The following RAB38 variants were observed in gnomAD, a reference collection of about 807,000 sequenced individuals.
RAB38 encodes RAB38, member RAS oncogene family, also known as ras-related protein Rab-38.
RAB38 carries 15 observed loss-of-function variants against 18.4 expected under a neutral mutation model. That is an observed-to-expected ratio of 0.82 (90% CI 0.55 to 1.26). The LOEUF is 1.26. Ranked by LOEUF, RAB38 falls within the 50% of genes most tolerant of loss-of-function variation. The pLI is 0.00. For missense variants in RAB38, 294 were observed against 267.4 expected, an observed-to-expected ratio of 1.10 and a Z score of -0.69; for synonymous variants, 101 against 104.4, an observed-to-expected ratio of 0.97 and a Z score of 0.20.
the RAB38 span, among the ~76,000 whole-genome samples, chr11:87,835,559 TA>T: frequency 6.6e-6 from 1 of 152,290 alleles, no homozygotes; most frequent in East Asian, 1.9e-4. Flanking sequence ...ATAGGGTCTT[TA>T]AAGAAGTAAT....
At chr11:87,929,700 G>A in the RAB38 span, among the ~76,000 whole-genome samples, 13 of 151,204 alleles carry the variant, frequency 8.6e-5, no homozygotes, top group African/African-American at 3.2e-4. Context: ...ATCTCCTAAT[G>A]CTATCCTTCC....
chr11:88,163,315 A>G (rs1484151415), intron 1 of RAB38, among the ~76,000 whole-genome samples: 1 of 152,148 alleles, frequency 6.6e-6, no homozygotes, highest in Non-Finnish European at 1.5e-5. Context: ...ATTAATACTT[A>G]TTTCTTATTT....
At chr11:87,810,529 T>G in the RAB38 span, among the ~76,000 whole-genome samples, 1 of 152,192 alleles carries the variant, frequency 6.6e-6, no homozygotes, top group Non-Finnish European at 1.5e-5. Context: ...ATATACATGG[T>G]ATCATGCAGT....
the RAB38 span, among the ~76,000 whole-genome samples, chr11:87,957,155 T>C: frequency 6.6e-6 from 1 of 152,090 alleles, no homozygotes; most frequent in Non-Finnish European, 1.5e-5. Context: ...ACAAATTGAT[T>C]CCCCCTTTGT....
the RAB38 span, among the ~76,000 whole-genome samples, chr11:87,950,899 A>G: frequency 1.3e-5 from 2 of 152,032 alleles, no homozygotes; most frequent in Non-Finnish European, 2.9e-5. Context: ...TCTTTGTGGC[A>G]TTCTCTGTAT....
At chr11:88,159,235 A>AAATAAAAAT (rs1943160428) in intron 1 of RAB38, among the ~76,000 whole-genome samples, 5 of 149,252 alleles carry the variant, frequency 3.4e-5, no homozygotes, top group Non-Finnish European at 7.5e-5. Context: ...ATAAATAAAT[A>AAATAAAAAT]AAAATAAAAT....
chr11:88,033,568 G>A, the RAB38 span, among the ~76,000 whole-genome samples: 15,552 of 151,826 alleles, frequency 0.1, 1,546 homozygotes, highest in East Asian at 0.33. Flanking sequence ...GTTTCTCCAT[G>A]AAAAATTGAT....
the RAB38 span, among the ~76,000 whole-genome samples, chr11:87,901,682 C>A: frequency 6.6e-6 from 1 of 151,606 alleles, no homozygotes; most frequent in African/African-American, 2.4e-5. Context: ...ACCGGTTCAA[C>A]TTAAGCAGTA....
the RAB38 span, among the ~76,000 whole-genome samples, chr11:87,833,962 C>T: frequency 1.3e-5 from 2 of 152,132 alleles, no homozygotes; most frequent in African/African-American, 4.8e-5. Context: ...ATTAATTATC[C>T]AGGCAAGTCC....
the RAB38 span, among the ~76,000 whole-genome samples, chr11:88,067,818 T>C: frequency 3.3e-5 from 5 of 151,848 alleles, no homozygotes; most frequent in East Asian, 5.8e-4. Context: ...AAAATCTAGA[T>C]GATGGGTTGA....
At chr11:87,857,539 T>A in the RAB38 span, among the ~76,000 whole-genome samples, 1 of 152,216 alleles carries the variant, frequency 6.6e-6, no homozygotes, top group Admixed American at 6.5e-5. Context: ...TTTCCTGACT[T>A]TTTAATGGTC....
At chr11:87,874,821 A>T in the RAB38 span, among the ~76,000 whole-genome samples, 1 of 151,500 alleles carries the variant, frequency 6.6e-6, no homozygotes, top group Non-Finnish European at 1.5e-5. Flanking sequence ...TGAGGAGAAA[A>T]GGGGGAACCC....
the RAB38 span, among the ~76,000 whole-genome samples, chr11:87,908,709 A>G: frequency 1.3e-5 from 2 of 151,980 alleles, no homozygotes; most frequent in Non-Finnish European, 2.9e-5. Flanking sequence ...ATTCTAAACC[A>G]TAAACCTATA....
the RAB38 span, among the ~76,000 whole-genome samples, chr11:87,881,459 A>G: frequency 6.6e-6 from 1 of 151,750 alleles, no homozygotes; most frequent in Non-Finnish European, 1.5e-5. Flanking sequence ...TTTTACCCAT[A>G]TCTTCTGGGT....
chr11:88,173,945 T>C lies in RAB38; in HGVS notation c.202+1238A>G, dbSNP rs765742254. On this transcript the variant is annotated intron_variant, in intron 1 of 2. Transcript: ENST00000243662. Reference sequence around the variant, plus strand: ...CCACATTTGTTCTAGTTTCAAGCCATGATAAAGAGTTTCCAATCAAATGCA... The same window carrying C: ...CCACATTTGTTCTAGTTTCAAGCCACGATAAAGAGTTTCCAATCAAATGCA... The C allele has an allele frequency of 1.1e-4, 109 of 985,420 alleles. No homozygotes were observed. The Middle Eastern group carries it at 3.1e-3, about 28-fold the overall frequency. 61.0% of individuals were successfully genotyped at this position (985,420 alleles called of 1,614,324 possible).
At chr11:88,056,803 CAATAAATA>C in the RAB38 span, among the ~76,000 whole-genome samples, 26 of 121,292 alleles carry the variant, frequency 2.1e-4, no homozygotes, top group African/African-American at 5.5e-4. Context: ...GACTCCGTCT[CAATAAATA>C]AATAAATAAA....
chr11:87,923,420 A>AACTT, the RAB38 span, among the ~76,000 whole-genome samples: 1 of 151,906 alleles, frequency 6.6e-6, no homozygotes, highest in Non-Finnish European at 1.5e-5. Flanking sequence ...AATTGGAAAT[A>AACTT]ATTTATTTAT....
intron 2 of RAB38, among the ~76,000 whole-genome samples, chr11:88,142,820 A>G (rs1942932939): frequency 6.6e-6 from 1 of 152,254 alleles, no homozygotes; most frequent in Non-Finnish European, 1.5e-5. Flanking sequence ...CAACGGCTAG[A>G]CGAAAAGTAT....
At chr11:87,833,680 G>A in the RAB38 span, among the ~76,000 whole-genome samples, 67 of 152,182 alleles carry the variant, frequency 4.4e-4, 1 homozygote, top group Non-Finnish European at 4.7e-4. Context: ...GAAGTACAGA[G>A]TTGTTAAATA....
Sources: allele counts gnomAD v4.1 joint callset (sites outside exome capture counted in the v4.1 genomes callset), GRCh38; gene constraint gnomAD v4.1.1; transcripts MANE v1.5; gene names NCBI Gene and HGNC (gene_info 2026-07-23, HGNC 2026-07-21).